Variants in LIMCH1 observed in about 807,000 individuals in gnomAD.
The protein encoded by LIMCH1 is LIM and calponin homology domains 1.
In LIMCH1, 113 loss-of-function variants were observed where a neutral mutation model predicts 176.5. The observed-to-expected ratio is 0.64, with a 90% CI of 0.55 to 0.75. The LOEUF is 0.75. Among genes scored for constraint, LIMCH1 ranks in the 30% least tolerant of loss-of-function variants. The pLI, the probability that LIMCH1 is intolerant of heterozygous loss-of-function variation, is 0.00. For synonymous variants in LIMCH1, 619 were observed against 645.9 expected (o/e 0.96, Z 0.63); for missense variants, 1,674 against 1,814.9 (o/e 0.92, Z 1.41).
At chr4:41,379,749 C>T (rs2055352342) in intron 1 of LIMCH1, among the ~76,000 whole-genome samples, 1 of 152,128 alleles carries the variant, frequency 6.6e-6, no homozygotes, top group Non-Finnish European at 1.5e-5. Context: ...AAGATATTCT[C>T]TCTAGATATA....
chr4:41,419,600 T>TCCTTCC (rs2060304734), intron 1 of LIMCH1, among the ~76,000 whole-genome samples: 1 of 69,288 alleles, frequency 1.4e-5, no homozygotes, highest in African/African-American at 1.1e-4. Flanking sequence ...CCTTCCTTCC[T>TCCTTCC]TCCGTCCTTC....
intron 28 of LIMCH1, among the ~76,000 whole-genome samples, chr4:41,687,310 T>G (rs1721635068): frequency 6.6e-6 from 1 of 152,178 alleles, no homozygotes; most frequent in Admixed American, 6.5e-5. Context: ...TTGTTACATG[T>G]TTTGAACATG....
chr4:41,582,593 A>C (rs1275563504), intron 1 of LIMCH1, among the ~76,000 whole-genome samples: 1 of 152,180 alleles, frequency 6.6e-6, no homozygotes, highest in Non-Finnish European at 1.5e-5. Flanking sequence ...TCAACCATTT[A>C]CGTGTGTGCC....
chr4:41,609,106 G>C (rs2091106506), intron 4 of LIMCH1, among the ~76,000 whole-genome samples: 1 of 152,090 alleles, frequency 6.6e-6, no homozygotes, highest in South Asian at 2.1e-4. Flanking sequence ...ACTGGCCCAG[G>C]CTACTCCTGT....
intron 1 of LIMCH1, among the ~76,000 whole-genome samples, chr4:41,443,192 C>CTTTTTTTTTTTT (rs916559501): frequency 7.6e-5 from 3 of 39,666 alleles, no homozygotes; most frequent in East Asian, 6.7e-4. Context: ...TGTTTTTTTT[C>CTTTTTTTTTTTT]TTTTTTTTTT....
intron 8 of LIMCH1, among the ~76,000 whole-genome samples, chr4:41,627,621 T>C (rs1025157950): frequency 6.6e-6 from 1 of 152,238 alleles, no homozygotes; most frequent in African/African-American, 2.4e-5. Flanking sequence ...CCAGTTTCCT[T>C]TTGCCAACAT....
chr4:41,400,082 T>G (rs1327071165), intron 1 of LIMCH1, among the ~76,000 whole-genome samples: 3 of 151,570 alleles, frequency 2.0e-5, no homozygotes, highest in African/African-American at 7.3e-5. Context: ...TCTCAGCTGG[T>G]AAGTAATAAA....
At chr4:41,571,725 G>C (rs976632022) in intron 1 of LIMCH1, among the ~76,000 whole-genome samples, 2 of 152,158 alleles carry the variant, frequency 1.3e-5, no homozygotes, top group African/African-American at 4.8e-5. Flanking sequence ...ATATGATACT[G>C]GATTATCTAC....
intron 5 of LIMCH1, among the ~76,000 whole-genome samples, chr4:41,616,020 T>A (rs2092021125): frequency 6.6e-6 from 1 of 152,026 alleles, no homozygotes; most frequent in Admixed American, 6.5e-5. Context: ...TCCCCCAGCA[T>A]TAATAGCATC....
chr4:41,537,693 A>C (rs1303617452), upstream of LIMCH1, among the ~76,000 whole-genome samples: 1 of 152,228 alleles, frequency 6.6e-6, no homozygotes, highest in African/African-American at 2.4e-5. Context: ...GAGATGATAT[A>C]CATAAAATAC....
intron 21 of LIMCH1, 39 bp downstream of exon 21, chr4:41,666,705 G>A (rs1351979835): frequency 1.5e-6 from 2 of 1,303,826 alleles, no homozygotes; most frequent in Middle Eastern, 1.8e-4. Flanking sequence ...TGCATGTTCT[G>A]GGCCCATCTG....
At chr4:41,597,447 A>AT (rs2089097010) in intron 1 of LIMCH1, among the ~76,000 whole-genome samples, 1 of 152,162 alleles carries the variant, frequency 6.6e-6, no homozygotes, top group South Asian at 2.1e-4. Flanking sequence ...GGATGTATTA[A>AT]TTTTTTTATT....
At chr4:41,609,317 T>A (rs2091143192) in intron 4 of LIMCH1, among the ~76,000 whole-genome samples, 1 of 152,134 alleles carries the variant, frequency 6.6e-6, no homozygotes. Context: ...TTTTGTCTTC[T>A]TTACTGGAAT....
chr4:41,468,605 C>A (rs937525514), intron 1 of LIMCH1, among the ~76,000 whole-genome samples: 30 of 151,788 alleles, frequency 2.0e-4, no homozygotes, highest in Admixed American at 2.0e-3. Context: ...AGAGGTGTTA[C>A]ATAGTAGACA....
intron 1 of LIMCH1, among the ~76,000 whole-genome samples, chr4:41,567,818 A>G (rs374765537): frequency 2.6e-5 from 4 of 152,312 alleles, no homozygotes; most frequent in African/African-American, 7.2e-5. Context: ...GGCATCAGAA[A>G]AGATGATAAG....
At chr4:41,635,624 T>C (rs1315169038) in intron 13 of LIMCH1, among the ~76,000 whole-genome samples, 1 of 152,206 alleles carries the variant, frequency 6.6e-6, no homozygotes, top group Admixed American at 6.5e-5. Context: ...GTGAACTATG[T>C]GACATATTGT....
intron 1 of LIMCH1, among the ~76,000 whole-genome samples, chr4:41,379,716 C>T (rs2055347334): frequency 6.6e-6 from 1 of 152,184 alleles, no homozygotes; most frequent in Admixed American, 6.5e-5. Flanking sequence ...CTAGTCCAGT[C>T]TATTTAGATA....
upstream of LIMCH1, among the ~76,000 whole-genome samples, chr4:41,534,112 C>A (rs147372099): frequency 7.9e-5 from 12 of 152,184 alleles, no homozygotes; most frequent in Non-Finnish European, 1.3e-4. Flanking sequence ...CTGATTATGG[C>A]AAGATACCAG....
At chr4:41,659,441 T>G (rs2094551093) in intron 18 of LIMCH1, among the ~76,000 whole-genome samples, 1 of 152,128 alleles carries the variant, frequency 6.6e-6, no homozygotes. Flanking sequence ...TGTAAAACCT[T>G]TTAGAAACTT....
Sources: allele counts gnomAD v4.1 joint callset (sites outside exome capture counted in the v4.1 genomes callset), GRCh38; gene constraint gnomAD v4.1.1; transcripts MANE v1.5; gene names NCBI Gene and HGNC (gene_info 2026-07-23, HGNC 2026-07-21).